LEMD1: variants seen among roughly 807,000 people sequenced by gnomAD.
LEMD1 encodes LEM domain containing 1.
LEMD1 carries 18 observed loss-of-function variants against 17.4 expected under a neutral mutation model. That is an observed-to-expected ratio of 1.04 (90% CI 0.72 to 1.54). The LOEUF (loss-of-function observed/expected upper bound fraction) is 1.54, where lower values mean the gene tolerates loss of function less well. LEMD1 is among the 40% of genes most tolerant of loss of function. The pLI, the probability that LEMD1 is intolerant of heterozygous loss-of-function variation, is 0.00. For synonymous variants in LEMD1, 88 were observed against 77.8 expected, an observed-to-expected ratio of 1.13 and a Z score of -0.69; for missense variants, 195 against 210.4, an observed-to-expected ratio of 0.93 and a Z score of 0.45.
At chr1:205,397,989 T>G (rs1664669516) in intron 4 of LEMD1, among the ~76,000 whole-genome samples, 1 of 152,226 alleles carries the variant, frequency 6.6e-6, no homozygotes, top group Non-Finnish European at 1.5e-5. Context: ...CTCTTGAATT[T>G]CAAAAACTGG....
intron 4 of LEMD1, among the ~76,000 whole-genome samples, chr1:205,407,415 A>C (rs769564161): frequency 6.6e-6 from 1 of 152,082 alleles, no homozygotes; most frequent in Non-Finnish European, 1.5e-5. Context: ...GGTTGAATTA[A>C]TCACTGATAG....
intron 4 of LEMD1, among the ~76,000 whole-genome samples, chr1:205,403,310 G>A (rs1169501077): frequency 1.3e-5 from 2 of 151,940 alleles, no homozygotes; most frequent in Non-Finnish European, 1.5e-5. Flanking sequence ...GGTAGAATTT[G>A]GCTGTGAATC....
chr1:205,402,849 G>T (rs1186754005), intron 4 of LEMD1, among the ~76,000 whole-genome samples: 1 of 151,680 alleles, frequency 6.6e-6, no homozygotes, highest in Non-Finnish European at 1.5e-5. Flanking sequence ...GTCATAGATA[G>T]CTCTTATTAT....
upstream of LEMD1, among the ~76,000 whole-genome samples, chr1:205,424,103 C>G (rs182358304): frequency 2.0e-5 from 3 of 152,280 alleles, no homozygotes; most frequent in African/African-American, 7.2e-5. Context: ...AATGTAAATG[C>G]AATTTACATA....
At position 205,448,986 on chromosome 1, in the gene LEMD1, C is replaced by T. The variant is rs1666450266; in HGVS notation, c.-39+882G>A. 6.6e-6 allele frequency among the ~76,000 whole-genome samples: 1 copy of T among 152,044 alleles called. No homozygotes were observed. Among genetic ancestry groups the T allele is most frequent in the Non-Finnish European group, 1.5e-5 (1 of 68,000 alleles). ...CTACCCAGACCAGTCTGGGTGGTTA[C>T]CGACAACACCCATTCTTGCATAGTT... On this transcript the variant is annotated intron_variant, in intron 1 of 3. Coordinates refer to the LEMD1 transcript ENST00000367154. The surrounding 1 kb of genome is among the most constrained non-coding windows in gnomAD (Gnocchi z 4.7).
At chr1:205,438,816 G>A (rs1260931450) in intron 1 of LEMD1, among the ~76,000 whole-genome samples, 1 of 152,074 alleles carries the variant, frequency 6.6e-6, no homozygotes, top group Admixed American at 6.6e-5. Context: ...AGCCAAGGGA[G>A]TTCTCCCGGG....
chr1:205,397,963 C>T (rs1664668331), intron 4 of LEMD1, among the ~76,000 whole-genome samples: 1 of 152,204 alleles, frequency 6.6e-6, no homozygotes, highest in Admixed American at 6.5e-5. Flanking sequence ...TTTGGTTCCA[C>T]TATTTCCTCC....
intron 4 of LEMD1, among the ~76,000 whole-genome samples, chr1:205,394,729 C>T (rs1255112266): frequency 6.6e-6 from 1 of 152,042 alleles, no homozygotes; most frequent in Admixed American, 6.6e-5. Flanking sequence ...TCGCTCATGC[C>T]TGTAATCTCA....
chr1:205,398,267 G>A (rs1664681362), intron 4 of LEMD1, among the ~76,000 whole-genome samples: 1 of 152,134 alleles, frequency 6.6e-6, no homozygotes, highest in Non-Finnish European at 1.5e-5. Context: ...AATTAATTAA[G>A]AAACTATCAG....
chr1:205,383,040 A>G (rs1558702830), intron 5 of LEMD1, among the ~76,000 whole-genome samples: 1 of 152,198 alleles, frequency 6.6e-6, no homozygotes, highest in South Asian at 2.1e-4. Flanking sequence ...CGTTTTTAAA[A>G]ATTGATACAT....
In LEMD1 at chr1:205,448,277, T is replaced by C. The variant is rs1168009378; in HGVS notation, c.-39+1591A>G. The C allele has an allele frequency of 1.9e-6, 1 of 518,110 alleles. No homozygotes were observed. Among genetic ancestry groups the C allele is most frequent in the East Asian group, 5.6e-5 (1 of 17,844 alleles). 32.1% of individuals were successfully genotyped at this position (518,110 alleles called of 1,614,324 possible). A position where few individuals can be genotyped will look rare whatever the true frequency, so the allele number is the denominator to read the frequency against. On this transcript the variant is annotated intron_variant, in intron 1 of 3. Coordinates refer to the LEMD1 transcript ENST00000367154. The surrounding 1 kb of genome is among the most constrained non-coding windows in gnomAD (Gnocchi z 4.7). ...GTGGCTGGCTCCGAACCTGGTCCCA[T>C]GGGAGGTGCAGCTGCGCAGGAGAAG...
chr1:205,437,035 G>C (rs1666220990), intron 1 of LEMD1: 1 of 152,680 alleles, frequency 6.5e-6, no homozygotes, highest in Non-Finnish European at 1.5e-5. Context: ...GGGGGGCTGT[G>C]GCTCTCCATC....
At chr1:205,435,048 C>T (rs559828165) in intron 1 of LEMD1, 1 of 152,290 alleles carries the variant, frequency 6.6e-6, no homozygotes, top group East Asian at 1.9e-4. Flanking sequence ...GGGTTCCAGC[C>T]ACCCCAGGAA....
chr1:205,408,839 GA>G (rs991732882), intron 4 of LEMD1, among the ~76,000 whole-genome samples: 8 of 150,296 alleles, frequency 5.3e-5, no homozygotes, highest in African/African-American at 1.7e-4. Context: ...CCAAATACCG[GA>G]AGGGCACATG....
At chr1:205,445,452 C>T (rs1666372182) in intron 1 of LEMD1, among the ~76,000 whole-genome samples, 1 of 152,252 alleles carries the variant, frequency 6.6e-6, no homozygotes, top group Non-Finnish European at 1.5e-5. Flanking sequence ...TGAGCCTGAG[C>T]TCTAGCCTCT....
intron 4 of LEMD1, 56 bp from the exon 5 acceptor site, chr1:205,384,420 T>C (rs1167760497): frequency 1.0e-5 from 12 of 1,143,996 alleles, no homozygotes; most frequent in Admixed American, 7.2e-5. Flanking sequence ...CTTATACAAA[T>C]AACCTTGGTT....
intron 4 of LEMD1, among the ~76,000 whole-genome samples, chr1:205,407,891 C>A (rs1349181418): frequency 6.6e-6 from 1 of 152,104 alleles, no homozygotes; most frequent in Non-Finnish European, 1.5e-5. Context: ...AGTTGGAGAA[C>A]TGGTTGGCAT....
At chr1:205,444,954 C>A (rs545122614) in intron 1 of LEMD1, among the ~76,000 whole-genome samples, 1 of 151,098 alleles carries the variant, frequency 6.6e-6, no homozygotes, top group African/African-American at 2.4e-5. Flanking sequence ...GTGCCCTCGA[C>A]GCCTCTAGAA....
intron 1 of LEMD1, chr1:205,437,931 T>C (rs142389744): frequency 4.3e-4 from 66 of 152,298 alleles, no homozygotes; most frequent in African/African-American, 1.4e-3. Context: ...TCTTTTTTTT[T>C]CCTAAAAATA....
Sources: allele counts gnomAD v4.1 joint callset (sites outside exome capture counted in the v4.1 genomes callset), GRCh38; gene constraint gnomAD v4.1.1; non-coding constraint Gnocchi (gnomAD v3.1); transcripts MANE v1.5; gene names NCBI Gene and HGNC (gene_info 2026-07-23, HGNC 2026-07-21).